Variants in THSD4 observed in about 807,000 individuals in gnomAD.
THSD4 encodes thrombospondin type-1 domain-containing protein 4.
THSD4 carries 69 observed loss-of-function variants against 119.0 expected under a neutral mutation model. The observed-to-expected ratio is 0.58, with a 90% CI of 0.48 to 0.71. The LOEUF (loss-of-function observed/expected upper bound fraction) is 0.71, where lower values mean the gene tolerates loss of function less well. Ranked by LOEUF, THSD4 falls within the 30% of genes least tolerant of loss-of-function variation. The pLI, the probability that THSD4 is intolerant of heterozygous loss-of-function variation, is 0.00. For synonymous variants in THSD4, 524 were observed against 540.4 expected (o/e 0.97, Z 0.42); for missense variants, 1,393 against 1,391.1 (o/e 1.00, Z -0.02).
At chr15:71,716,964 T>G (rs1567116237) in intron 8 of THSD4, among the ~76,000 whole-genome samples, 1 of 152,212 alleles carries the variant, frequency 6.6e-6, no homozygotes, top group Non-Finnish European at 1.5e-5. Context: ...AAAGCTGAAT[T>G]CTGACCCCAC....
At chr15:71,659,402 T>G (rs2051255185) in intron 7 of THSD4, among the ~76,000 whole-genome samples, 1 of 152,138 alleles carries the variant, frequency 6.6e-6, no homozygotes, top group Admixed American at 6.5e-5. Context: ...TGAAGATCAT[T>G]CCATTTTGTT....
At chr15:71,342,203 G>T (rs867438968) in intron 6 of THSD4, 1 of 179,988 alleles carries the variant, frequency 5.6e-6, no homozygotes, top group African/African-American at 2.4e-5. Context: ...TTATTTCCTG[G>T]AGTTTAAAAA....
Position 71,765,035 on chromosome 15 carries a change from G to C in THSD4, c.2605G>C (p.Gly869Arg). 6.2e-7 allele frequency: 1 copy of C among 1,613,866 alleles called. No homozygotes were observed. Among genetic ancestry groups the C allele is most frequent in the Non-Finnish European group, 8.5e-7 (1 of 1,179,850 alleles). Residue 869 changes from glycine (G) to arginine (R), a missense_variant, in exon 16 of 18, where the codon GGG becomes CGG. Transcript: ENST00000261862. ...CTTTCTGCAGTGTTCCATCGAGTGT[G>C]GGAGCGGGACGCAACAGAGGGAGGT... ...GSWSQCSIEC[G>R]SGTQQREVIC...
intron 6 of THSD4, chr15:71,348,478 C>T (rs2045698699): frequency 6.6e-6 from 1 of 152,254 alleles, no homozygotes; most frequent in African/African-American, 2.4e-5. Flanking sequence ...CTCACCATGA[C>T]CTGTACATCC....
chr15:71,633,275 T>C (rs1276738748), intron 7 of THSD4, among the ~76,000 whole-genome samples: 4 of 140,234 alleles, frequency 2.9e-5, no homozygotes, highest in African/African-American at 8.0e-5. Context: ...CTTTCTTTTT[T>C]TTTTTTTTTT....
chr15:71,551,361 T>C (rs1343046025), intron 7 of THSD4, among the ~76,000 whole-genome samples: 1 of 152,128 alleles, frequency 6.6e-6, no homozygotes, highest in African/African-American at 2.4e-5. Context: ...CAGTGAATGA[T>C]CATGCAATAA....
intron 6 of THSD4, among the ~76,000 whole-genome samples, chr15:71,335,923 G>C (rs570081465): frequency 6.6e-5 from 10 of 152,284 alleles, no homozygotes; most frequent in Non-Finnish European, 1.3e-4. Flanking sequence ...CTTGGAGAAG[G>C]GCATGGGGGT....
intron 3 of THSD4, among the ~76,000 whole-genome samples, chr15:71,167,872 G>C (rs2043309252): frequency 6.6e-6 from 1 of 152,142 alleles, no homozygotes; most frequent in Non-Finnish European, 1.5e-5. Context: ...GTTATTCTGA[G>C]GAAAAGACAT....
chr15:71,337,277 C>T (rs145301449), intron 6 of THSD4, among the ~76,000 whole-genome samples: 76 of 152,312 alleles, frequency 5.0e-4, no homozygotes, highest in Non-Finnish European at 9.7e-4. Context: ...CCTGGACATA[C>T]AGCATGTGGT....
At chr15:71,485,484 T>G (rs2047800895) in intron 7 of THSD4, among the ~76,000 whole-genome samples, 1 of 152,228 alleles carries the variant, frequency 6.6e-6, no homozygotes. Flanking sequence ...AGGAACTTAT[T>G]ACAAATTCAA....
chr15:71,575,896 G>A (rs1410879859), intron 7 of THSD4, among the ~76,000 whole-genome samples: 1 of 152,200 alleles, frequency 6.6e-6, no homozygotes, highest in Non-Finnish European at 1.5e-5. Context: ...TACAATCTAG[G>A]TCAGAGGTTC....
chr15:71,622,581 C>T (rs4777418), intron 7 of THSD4, among the ~76,000 whole-genome samples: 149,909 of 152,314 alleles, frequency 0.98, 73,808 homozygotes, highest in Middle Eastern at 1. Context: ...ATTCACTTTT[C>T]TCTAACATGT....
At chr15:71,387,957 C>G (rs1219917979) in intron 6 of THSD4, among the ~76,000 whole-genome samples, 5 of 152,172 alleles carry the variant, frequency 3.3e-5, no homozygotes, top group African/African-American at 1.2e-4. Flanking sequence ...TATTTTCCCC[C>G]CTCAACCCAG....
chr15:71,603,790 A>G (rs918099528), intron 7 of THSD4, among the ~76,000 whole-genome samples: 9 of 152,192 alleles, frequency 5.9e-5, no homozygotes, highest in African/African-American at 2.2e-4. Flanking sequence ...GTGCATTAGG[A>G]AGACAATTGC....
intron 7 of THSD4, among the ~76,000 whole-genome samples, chr15:71,519,661 C>T (rs2048411491): frequency 6.6e-6 from 1 of 152,242 alleles, no homozygotes; most frequent in Admixed American, 6.5e-5. Context: ...TGTGCCTAGC[C>T]TGAATTAAGT....
intron 7 of THSD4, among the ~76,000 whole-genome samples, chr15:71,509,467 TGTAA>T (rs1555421853): frequency 6.6e-6 from 1 of 152,192 alleles, no homozygotes; most frequent in Non-Finnish European, 1.5e-5. Flanking sequence ...CTCATTAGCT[TGTAA>T]GTAAGTGGAG....
chr15:71,755,569 G>C (rs2053523172), intron 14 of THSD4, among the ~76,000 whole-genome samples: 1 of 152,014 alleles, frequency 6.6e-6, no homozygotes, highest in Non-Finnish European at 1.5e-5. Flanking sequence ...TAATAGATAA[G>C]AGAAATGAAC....
intron 8 of THSD4, among the ~76,000 whole-genome samples, chr15:71,723,775 A>G (rs769681620): frequency 6.0e-4 from 92 of 152,146 alleles, no homozygotes; most frequent in Non-Finnish European, 7.8e-4. Flanking sequence ...TGACATCTAA[A>G]GAATGAATAG....
intron 6 of THSD4, among the ~76,000 whole-genome samples, chr15:71,382,359 G>A (rs1384670860): frequency 6.6e-6 from 1 of 152,142 alleles, no homozygotes; most frequent in African/African-American, 2.4e-5. Flanking sequence ...AGGACCAAAT[G>A]CTAGTTTTGC....
Sources: gnomAD v4.1 joint callset for allele counts (sites outside exome capture counted in the v4.1 genomes callset) on GRCh38, gnomAD v4.1.1 for gene constraint, MANE v1.5 for transcripts, NCBI Gene and HGNC (gene_info 2026-07-23, HGNC 2026-07-21) for gene names.